Variants in VAMP7 observed in about 807,000 individuals in gnomAD.
VAMP7 encodes the protein vesicle associated membrane protein 7, also known as vesicle-associated membrane protein 7.
In VAMP7, 14 loss-of-function variants were observed where a neutral mutation model predicts 29.6. The ratio of observed to expected loss-of-function variants is 0.47; its 90% confidence interval spans 0.31 to 0.74. The LOEUF (loss-of-function observed/expected upper bound fraction) is 0.74, where lower values mean the gene tolerates loss of function less well. Among genes scored for constraint, VAMP7 ranks in the 30% least tolerant of loss-of-function variants. The pLI, the probability that VAMP7 is intolerant of heterozygous loss-of-function variation, is 0.05. For missense variants in VAMP7, 223 were observed against 262.4 expected (o/e 0.85, Z 1.04); for synonymous variants, 95 against 88.1 (o/e 1.08, Z -0.44).
intron 5 of VAMP7, among the ~76,000 whole-genome samples, chrX:155,901,334 G>C (rs2066058772): frequency 6.6e-6 from 1 of 151,870 alleles, no homozygotes; most frequent in South Asian, 2.1e-4. Context: ...AGAATCTGTT[G>C]AGACAACTAC....
intron 1 of VAMP7, 61 bp from the exon 2 acceptor site, chrX:155,889,397 T>C: frequency 1.3e-6 from 2 of 1,570,480 alleles, no homozygotes; most frequent in South Asian, 2.4e-5. Flanking sequence ...TGATAGTAAG[T>C]TACCTTTGAA....
chrX:155,929,779 A>T (rs762575921), intron 6 of VAMP7, among the ~76,000 whole-genome samples: 159 of 152,236 alleles, frequency 1.0e-3, no homozygotes, highest in Non-Finnish European at 1.9e-3. Context: ...GAGCAACAGG[A>T]TCTCAGTCAA....
intron 4 of VAMP7, among the ~76,000 whole-genome samples, chrX:155,899,656 A>G (rs2066034480): frequency 6.6e-6 from 1 of 152,004 alleles, no homozygotes; most frequent in Admixed American, 6.6e-5. Context: ...CCCCACTAGG[A>G]AATGTTCATC....
intron 1 of VAMP7, among the ~76,000 whole-genome samples, chrX:155,882,425 C>G (rs1411957486): frequency 6.6e-6 from 1 of 152,152 alleles, no homozygotes; most frequent in Non-Finnish European, 1.5e-5. Context: ...CTAAGAAAGT[C>G]AGAGGTCAGG....
chrX:155,894,984 G>T (rs1218385108), intron 2 of VAMP7, among the ~76,000 whole-genome samples: 3 of 152,094 alleles, frequency 2.0e-5, no homozygotes, highest in African/African-American at 7.2e-5. Flanking sequence ...GACATCACTT[G>T]TTCTGGGAAG....
intron 6 of VAMP7, among the ~76,000 whole-genome samples, chrX:155,936,164 G>A (rs2066651359): frequency 6.6e-6 from 1 of 152,140 alleles, no homozygotes; most frequent in South Asian, 2.1e-4. Flanking sequence ...ACTTGAGGAG[G>A]CAGTCTGTCT....
intron 5 of VAMP7, among the ~76,000 whole-genome samples, chrX:155,911,954 T>C (rs2066243620): frequency 1.3e-5 from 2 of 152,140 alleles, no homozygotes; most frequent in South Asian, 4.2e-4. Flanking sequence ...TTTATTTCTT[T>C]CTCTTGCCTG....
chrX:155,932,392 A>G (rs1252018855), intron 6 of VAMP7, among the ~76,000 whole-genome samples: 1 of 152,064 alleles, frequency 6.6e-6, no homozygotes. Flanking sequence ...GCTGAACAGT[A>G]GTTTGTAGTT....
At chrX:155,922,613 T>G (rs1428478389) in intron 6 of VAMP7, among the ~76,000 whole-genome samples, 1 of 152,052 alleles carries the variant, frequency 6.6e-6, no homozygotes, top group Non-Finnish European at 1.5e-5. Context: ...GCTATTGTTT[T>G]GTTCAGGAAT....
chrX:155,919,858 A>G lies in VAMP7; in HGVS notation c.479A>G (p.Lys160Arg). The stretch of plus-strand genomic sequence containing the variant: ...GAAAGATTGGAATTATTGATTGACA[A>G]AACAGAAAATCTTGTGGATTCTGTA... Reference protein sequence around the residue: ...RGERLELLIDKTENLVDSSVT... With the variant: ...RGERLELLIDRTENLVDSSVT... Residue 160 changes from lysine to arginine, a missense_variant, in exon 6 of 8, where the codon AAA becomes AGA. Physicochemically the swap from Lys to Arg is conservative, Grantham distance 26. Coordinates refer to ENST00000286448, the MANE Select transcript of VAMP7 (RefSeq NM_005638.6). The G allele has an allele frequency of 1.2e-6, 2 of 1,613,266 alleles. No individual in the cohort carries two copies. Among genetic ancestry groups the G allele is most frequent in the Non-Finnish European group, 1.7e-6 (2 of 1,179,558 alleles).
chrX:155,900,113 AT>A (rs368573145), intron 4 of VAMP7, among the ~76,000 whole-genome samples: 76 of 151,996 alleles, frequency 5.0e-4, no homozygotes, highest in African/African-American at 1.8e-3. Context: ...GTGGGGAACA[AT>A]TTTGCAGCAT....
At chrX:155,927,985 C>T (rs1043196270) in intron 6 of VAMP7, among the ~76,000 whole-genome samples, 1 of 152,108 alleles carries the variant, frequency 6.6e-6, no homozygotes, top group Non-Finnish European at 1.5e-5. Context: ...GTGGCACGAT[C>T]ACAGCTTACT....
intron 1 of VAMP7, among the ~76,000 whole-genome samples, chrX:155,887,103 T>G (rs2065874265): frequency 6.6e-6 from 1 of 152,230 alleles, no homozygotes; most frequent in African/African-American, 2.4e-5. Flanking sequence ...ATTCTCTTTC[T>G]TTCCTTTCGG....
chrX:155,882,664 T>A (rs1285015383), intron 1 of VAMP7, among the ~76,000 whole-genome samples: 1 of 152,210 alleles, frequency 6.6e-6, no homozygotes, highest in Admixed American at 6.5e-5. Flanking sequence ...GCTCAACTGC[T>A]TTATCTTACT....
chrX:155,900,427 TC>T, intron 4 of VAMP7, 69 bp from the exon 5 acceptor site: 1 of 1,186,276 alleles, frequency 8.4e-7, no homozygotes, highest in African/African-American at 1.5e-5. Context: ...AAATTGTCAT[TC>T]CCCTTATTTT....
chrX:155,888,614 G>A (rs1235907612), intron 1 of VAMP7, among the ~76,000 whole-genome samples: 1 of 152,156 alleles, frequency 6.6e-6, no homozygotes, highest in Non-Finnish European at 1.5e-5. Context: ...ATATTCATAG[G>A]CAGACATAAG....
rs187191723 is a variant in VAMP7 at position 155,887,979 on chromosome X, A to G, written c.-9-1479A>G. On this transcript the variant is annotated intron_variant, in intron 1 of 7. Coordinates refer to ENST00000286448, the MANE Select transcript of VAMP7 (RefSeq NM_005638.6). ...GAAAAGAAACAGAACAGTAGGATCC[A>G]CAGTTAGGGAGGCTTTAGGATCAAG... 2.2e-4 allele frequency among the ~76,000 whole-genome samples: 34 copies of G among 151,924 alleles called. No individual in the cohort carries two copies. In the East Asian group the frequency reaches 5.6e-3, roughly 25 times the overall value.
At chrX:155,934,682 A>G (rs1206109025) in intron 6 of VAMP7, among the ~76,000 whole-genome samples, 1 of 151,824 alleles carries the variant, frequency 6.6e-6, no homozygotes, top group African/African-American at 2.4e-5. Flanking sequence ...TTTTAATTGG[A>G]GCATTTAGCC....
intron 5 of VAMP7, among the ~76,000 whole-genome samples, chrX:155,908,511 C>A (rs1472565110): frequency 6.6e-6 from 1 of 151,804 alleles, no homozygotes; most frequent in Non-Finnish European, 1.5e-5. Flanking sequence ...TTCGGCTGGG[C>A]ATCAGAGGGA....
Sources: allele counts gnomAD v4.1 joint callset (sites outside exome capture counted in the v4.1 genomes callset), GRCh38; gene constraint gnomAD v4.1.1; transcripts MANE v1.5; gene names NCBI Gene and HGNC (gene_info 2026-07-23, HGNC 2026-07-21).